Variants in ATP5PO observed in about 807,000 individuals in gnomAD.
ATP5PO encodes ATP synthase peripheral stalk subunit OSCP, mitochondrial.
Under a neutral mutation model 26.2 loss-of-function variants are expected in ATP5PO, and 14 were observed. The observed-to-expected ratio is 0.53, with a 90% CI of 0.35 to 0.83. The LOEUF is 0.83. Ranked by LOEUF, ATP5PO falls within the 40% of genes least tolerant of loss-of-function variation. The probability of loss-of-function intolerance (pLI) is 0.01; values close to 1 mark genes in which losing one functional copy is unlikely to be tolerated. For synonymous variants in ATP5PO, 106 were observed against 95.1 expected (o/e 1.12, Z -0.67); for missense variants, 241 against 258.5 (o/e 0.93, Z 0.46).
chr21:33,913,397 T>C (rs1987273869), intron 2 of ATP5PO, among the ~76,000 whole-genome samples: 1 of 152,210 alleles, frequency 6.6e-6, no homozygotes, highest in South Asian at 2.1e-4. Context: ...TAGTATAGTC[T>C]GCCCAGCACA....
chr21:33,903,752 C>T, intron 6 of ATP5PO, 113 bp from the exon 7 acceptor site: 1 of 1,239,796 alleles, frequency 8.1e-7, no homozygotes, highest in Non-Finnish European at 1.1e-6. Context: ...TATAATTACA[C>T]CTAGAAAAAG....
intron 5 of ATP5PO, 24 bp from the exon 6 acceptor site, chr21:33,904,045 A>C (rs1260788649): frequency 1.3e-6 from 2 of 1,580,444 alleles, no homozygotes; most frequent in Non-Finnish European, 1.7e-6. Context: ...CCATCCTTTC[A>C]ATTTAGATAA....
At chr21:33,909,561 C>T (rs1019338952) in intron 3 of ATP5PO, among the ~76,000 whole-genome samples, 2 of 152,088 alleles carry the variant, frequency 1.3e-5, no homozygotes, top group East Asian at 1.9e-4. Context: ...CCACTGTGCC[C>T]GGCCATACAA....
At chr21:33,905,281 C>CA (rs1175846698) in intron 5 of ATP5PO, among the ~76,000 whole-genome samples, 77 of 152,214 alleles carry the variant, frequency 5.1e-4, no homozygotes, top group African/African-American at 1.8e-3. Context: ...TACCAACTGC[C>CA]AGGTACCTGT....
At position 33,908,169 on chromosome 21, in the gene ATP5PO, C is replaced by CAAAA. The variant is rs34768404; in HGVS notation, c.329-720_329-717dup. 3.7e-3 allele frequency among the ~76,000 whole-genome samples: 359 copies of CAAAA among 97,618 alleles called. 6 individuals are homozygous for CAAAA. Among genetic ancestry groups the CAAAA allele is most frequent in the African/African-American group, 0.014 (344 of 25,184 alleles). 64.0% of individuals were successfully genotyped at this position (97,618 alleles called of 152,430 possible). A position where few individuals can be genotyped will look rare whatever the true frequency, so the allele number is the denominator to read the frequency against. On this transcript the variant is annotated intron_variant, in intron 4 of 6. Transcript: ENST00000290299. ...GGTGACAGAAAGGGACACCCAGGCTCAAAAAAAAAAAAAAAAAAAAAGAAT... is the reference window on the plus strand; with the variant it reads ...GGTGACAGAAAGGGACACCCAGGCTCAAAAAAAAAAAAAAAAAAAAAAAAAGAAT...
rs1242781417 is a variant in ATP5PO at position 33,907,423 on chromosome 21, T to C, written c.359A>G (p.Asn120Ser). The change falls in exon 5 of 7, where the codon AAT (asparagine) becomes AGT (serine). Residue 120 changes from asparagine (N) to serine (S), a missense_variant. Asn to Ser is a conservative substitution (Grantham distance 46). This residue lies in a region of ATP5PO where 39 missense variants were observed against 75.5 expected (regional missense o/e 0.52). Coordinates refer to ENST00000290299, the MANE Select transcript of ATP5PO (RefSeq NM_001697.3). ...AAAGGCAGAAACGACTCCTTGGGTATTGCTTAATCGACCATTTTCAGCAAG... is the reference window on the plus strand; with the variant it reads ...AAAGGCAGAAACGACTCCTTGGGTACTGCTTAATCGACCATTTTCAGCAAG... ...NLLAENGRLS[N>S]TQGVVSAFST... 3 of 1,614,144 alleles carry C rather than the reference T, an allele frequency of 1.9e-6. No individual in the cohort carries two copies. Among genetic ancestry groups the C allele is most frequent in the Non-Finnish European group, 2.5e-6 (3 of 1,180,028 alleles).
In ATP5PO at chr21:33,915,799, G is replaced by C. The variant is rs779738813; in HGVS notation, c.-36C>G. 1.5e-5 allele frequency: 24 copies of C among 1,554,284 alleles called. No individual in the cohort carries two copies. The Admixed American group carries it at 4.5e-4, about 29-fold the overall frequency. On this transcript the variant is annotated 5_prime_UTR_variant, in exon 1 of 7. Transcript: ENST00000290299. Reference sequence around the variant, plus strand: ...GCGGCTGTAGGTCAAACCCGAGTGGGAAGAGAGAAACGCGCAAGGGCGCAC... The same window carrying C: ...GCGGCTGTAGGTCAAACCCGAGTGGCAAGAGAGAAACGCGCAAGGGCGCAC...
intron 5 of ATP5PO, 156 bp downstream of exon 5, chr21:33,907,185 G>C: frequency 1.6e-6 from 1 of 642,588 alleles, no homozygotes. Flanking sequence ...CCAAAGCAAA[G>C]GGTCACAGAA....
intron 5 of ATP5PO, among the ~76,000 whole-genome samples, chr21:33,906,146 AAGTAAGTATGATGTG>A (rs1987169400): frequency 1.3e-5 from 2 of 152,118 alleles, no homozygotes; most frequent in South Asian, 2.1e-4. Flanking sequence ...ACAAACGTGC[AAGTAAGTATGATGTG>A]CTAGGATGCC....
At chr21:33,911,872 G>T (rs1286772058) in intron 3 of ATP5PO, among the ~76,000 whole-genome samples, 1 of 151,962 alleles carries the variant, frequency 6.6e-6, no homozygotes, top group Non-Finnish European at 1.5e-5. Context: ...CACTATGTCA[G>T]CTAGGCTGGT....
rs564944941 is a variant in ATP5PO at position 33,909,886 on chromosome 21, C to T, written c.199-675G>A. On this transcript the variant is annotated intron_variant, in intron 3 of 6. Coordinates refer to ENST00000290299, the MANE Select transcript of ATP5PO (RefSeq NM_001697.3). Reference sequence around the variant, plus strand: ...AGTGCTATTTCTAGAGTGCAGACCTCACAACTGTGCTCTGACCACAGAGGC... The same window carrying T: ...AGTGCTATTTCTAGAGTGCAGACCTTACAACTGTGCTCTGACCACAGAGGC... 5.8e-4 allele frequency among the ~76,000 whole-genome samples: 89 copies of T among 152,284 alleles called. 1 individual carries two copies. The highest frequency in any genetic ancestry group is 2.1e-3 in the African/African-American group (88 of 41,570).
intron 5 of ATP5PO, among the ~76,000 whole-genome samples, chr21:33,904,471 C>T (rs570526392): frequency 2.6e-5 from 4 of 152,294 alleles, no homozygotes; most frequent in Admixed American, 2.6e-4. Context: ...CCTGGTTTTA[C>T]ATCTTCATGT....
At chr21:33,905,375 T>C (rs1002272233) in intron 5 of ATP5PO, among the ~76,000 whole-genome samples, 2 of 152,042 alleles carry the variant, frequency 1.3e-5, no homozygotes, top group African/African-American at 2.4e-5. Context: ...CCATTTTACA[T>C]ATGAGGGAAC....
Position 33,914,497 on chromosome 21 carries a change from G to A in ATP5PO, c.40C>T (p.Arg14Ter), listed in dbSNP as rs190343471. ...CTGACCACAGAGGTACTGAAGCATC[G>A]CACCTTCAAAGCAATAAAGGAAAAT... ...PAVSGLSRQV[R>*]CFSTSVVRPF... The change falls in exon 2 of 7, where the codon CGA (arginine) becomes TGA (stop). Residue 14 changes from arginine to a stop codon, truncating the protein, a stop_gained. Coordinates refer to ENST00000290299, the MANE Select transcript of ATP5PO (RefSeq NM_001697.3). LOFTEE classifies it high-confidence loss of function. 3.1e-6 allele frequency: 5 copies of A among 1,612,328 alleles called. No individual in the cohort carries two copies. The highest frequency in any genetic ancestry group is 2.7e-5 in the African/African-American group (2 of 74,966).
chr21:33,915,741 C>A lies in ATP5PO; in HGVS notation c.23G>T (p.Gly8Val). The change falls in exon 1 of 7, where the codon GGG becomes GTG. Residue 8 changes from glycine to valine, a missense_variant. This residue lies in a region of ATP5PO where 125 missense variants were observed against 108.5 expected (regional missense o/e 1.15). Coordinates refer to ENST00000290299, the MANE Select transcript of ATP5PO (RefSeq NM_001697.3). ...CCTTTCTCTCACCTGCCGGGAGAGC[C>A]CGGACACTGCTGGGGCAGCCATCTT... is the stretch of plus-strand genomic sequence containing the variant. MAAPAVS[G>V]LSRQVRCFST... is the part of the protein sequence containing the mutation. 6.3e-7 allele frequency: 1 copy of A among 1,576,962 alleles called. No individual in the cohort carries two copies. Among genetic ancestry groups the A allele is most frequent in the African/African-American group, 1.3e-5 (1 of 74,318 alleles).
intron 3 of ATP5PO, 102 bp downstream of exon 3, chr21:33,912,187 G>GT: frequency 1.1e-6 from 1 of 924,010 alleles, no homozygotes; most frequent in Non-Finnish European, 1.6e-6. Flanking sequence ...CTTTTTCCCA[G>GT]TTTTTTCTTG....
intron 2 of ATP5PO, among the ~76,000 whole-genome samples, chr21:33,912,917 G>T (rs1175231460): frequency 6.6e-6 from 1 of 152,114 alleles, no homozygotes; most frequent in East Asian, 1.9e-4. Context: ...GAGCCCTTTG[G>T]CAGTTTACAA....
At chr21:33,904,134 T>C in intron 5 of ATP5PO, 113 bp from the exon 6 acceptor site, 1 of 827,914 alleles carries the variant, frequency 1.2e-6, no homozygotes, top group Non-Finnish European at 1.8e-6. Flanking sequence ...CTCCCTTTGC[T>C]ACCTGGGCCC....
intron 6 of ATP5PO, 83 bp from the exon 7 acceptor site, chr21:33,903,722 G>T: frequency 7.0e-7 from 1 of 1,436,256 alleles, no homozygotes; most frequent in Non-Finnish European, 9.7e-7. Flanking sequence ...GGCTAAATGT[G>T]TTGCACAAAT....
Sources: allele counts gnomAD v4.1 joint callset (sites outside exome capture counted in the v4.1 genomes callset), GRCh38; gene constraint gnomAD v4.1.1; regional missense constraint gnomAD v4.1.1; transcripts MANE v1.5; gene names NCBI Gene and HGNC (gene_info 2026-07-23, HGNC 2026-07-21).